The following ACP5 variants were observed in gnomAD, a reference collection of about 807,000 sequenced individuals.
The protein encoded by ACP5 is tartrate-resistant acid phosphatase type 5.
ACP5 carries 24 observed loss-of-function variants against 28.7 expected under a neutral mutation model. The observed-to-expected ratio is 0.84, with a 90% CI of 0.61 to 1.18. The LOEUF (loss-of-function observed/expected upper bound fraction) is 1.18. Ranked by LOEUF, ACP5 falls within the 50% of genes most tolerant of loss-of-function variation. The pLI is 0.00. For missense variants in ACP5, 354 were observed against 422.2 expected, an observed-to-expected ratio of 0.84 and a Z score of 1.42; for synonymous variants, 154 against 181.4, an observed-to-expected ratio of 0.85 and a Z score of 1.21.
At chr19:11,575,316 A>C in intron 4 of ACP5, 64 bp from the exon 5 acceptor site, 1 of 1,604,202 alleles carries the variant, frequency 6.2e-7, no homozygotes, top group Non-Finnish European at 8.5e-7. Context: ...CCTAAGGTCC[A>C]GGGCTCGATC....
rs769748906 is a variant in ACP5, at chr19:11,575,187, TG to T, written c.800del (p.Ser267Ter). 1.2e-6 allele frequency: 2 copies of T among 1,614,090 alleles called. No individual in the cohort carries two copies. The highest frequency in any genetic ancestry group is 1.7e-6 in the Non-Finnish European group (2 of 1,180,038). ...LSGAGNFMDP[S>X]KRHQRKVPNG... is the part of the protein sequence containing the mutation. Reference sequence around the variant, plus strand: ...TGGGGACCTTGCGCTGGTGCCGCTTTGAGGGGTCCATGAAATTCCCAGCCCC... The same window carrying T: ...TGGGGACCTTGCGCTGGTGCCGCTTTAGGGGTCCATGAAATTCCCAGCCCC... On this transcript the variant is annotated frameshift_variant, in exon 5 of 5. Transcript: ENST00000648477. LOFTEE classifies it high-confidence loss of function.
In ACP5 at chr19:11,575,030, G is replaced by C; in HGVS notation, c.958C>G (p.Pro320Ala). Reference protein sequence around the residue: ...SGKSLFKTRLPRRARP With the variant: ...SGKSLFKTRLARRARP ...GGAGTTCAGGGCCTGGCTCGCCTCG[G>C]CAGCCTGGTCTTAAAGAGGGACTTG... is the stretch of plus-strand genomic sequence containing the variant. Residue 320 changes from proline to alanine, a missense_variant, in exon 5 of 5, where the codon CCG becomes GCG. Pro to Ala is a conservative substitution (Grantham distance 27, BLOSUM62 -1). Transcript: ENST00000648477. 1 of 1,614,186 alleles carries C rather than the reference G, an allele frequency of 6.2e-7. No homozygotes were observed. The highest frequency in any genetic ancestry group is 8.5e-7 in the Non-Finnish European group (1 of 1,180,036).
chr19:11,576,229 C>T lies in ACP5; in HGVS notation c.735+14G>A, dbSNP rs1258980089. ...CCCCTCACCCAGCTCCCACCCCACC[C>T]ACAGGGCCCTCACCTGCAGATTGTG... On this transcript the variant is annotated intron_variant, in intron 4 of 4. Transcript: ENST00000648477. 1 of 1,601,642 alleles carries T rather than the reference C, an allele frequency of 6.2e-7. No homozygotes were observed.
intron 4 of ACP5, among the ~76,000 whole-genome samples, chr19:11,575,844 A>G (rs1266687153): frequency 6.6e-6 from 1 of 151,332 alleles, no homozygotes; most frequent in African/African-American, 2.4e-5. Context: ...AAAAAAAAAA[A>G]AAAGCAAAAA....
upstream of ACP5, chr19:11,577,706 GGAT>G (rs1299313515): frequency 6.0e-6 from 2 of 334,714 alleles, no homozygotes; most frequent in African/African-American, 4.2e-5. The surrounding 1 kb of genome is among the most constrained non-coding windows in gnomAD (Gnocchi z 5.7). Context: ...TCATTAGTGA[GGAT>G]GATGCAGTTT....
At chr19:11,575,308 T>A (rs967296903) in intron 4 of ACP5, 56 bp from the exon 5 acceptor site, 1 of 1,607,856 alleles carries the variant, frequency 6.2e-7, no homozygotes, top group Non-Finnish European at 8.5e-7. Context: ...GAGCCCTGCC[T>A]AAGGTCCAGG....
upstream of ACP5, chr19:11,578,174 C>T (rs1973245429): frequency 6.5e-6 from 1 of 152,686 alleles, no homozygotes; most frequent in Non-Finnish European, 1.5e-5. Context: ...TGTGTTCTCA[C>T]GTGGCACTGG....
upstream of ACP5, chr19:11,578,756 T>G: frequency 6.6e-6 from 1 of 152,298 alleles, no homozygotes; most frequent in African/African-American, 2.4e-5. Context: ...GTCCCCCCCA[T>G]TCCCAGCCCT....
At chr19:11,578,464 G>A (rs948742199), upstream of ACP5, 3 of 152,318 alleles carry the variant, frequency 2.0e-5, no homozygotes, top group Non-Finnish European at 4.4e-5. Flanking sequence ...TGGTGATAGC[G>A]CGCGTGACCA....
intron 4 of ACP5, among the ~76,000 whole-genome samples, chr19:11,575,803 G>A (rs1032929904): frequency 1.3e-5 from 2 of 149,782 alleles, no homozygotes; most frequent in African/African-American, 4.9e-5. Context: ...GTTGCAGTGA[G>A]TTGAGATCGT....
chr19:11,578,365 G>C (rs1973252684), upstream of ACP5, among the ~76,000 whole-genome samples: 1 of 152,122 alleles, frequency 6.6e-6, no homozygotes, highest in Non-Finnish European at 1.5e-5. Context: ...ACACCAACGG[G>C]CTTCCCTTTT....
In ACP5 at chr19:11,574,862, G is replaced by C; in HGVS notation, c.*148C>G. ...GCATCTGTGCCACAAGGGTCATGTG[G>C]CACCACAGTTCATCAGCTGTGTTTC... On this transcript the variant is annotated 3_prime_UTR_variant, in exon 5 of 5. Coordinates refer to ENST00000648477, the MANE Select transcript of ACP5 (RefSeq NM_001611.5). 1.2e-6 allele frequency: 1 copy of C among 864,092 alleles called. No individual in the cohort carries two copies. The highest frequency in any genetic ancestry group is 1.5e-5 in the South Asian group (1 of 67,792). The allele number at this position is 864,092 out of a possible 1,614,324, so 53.5% of individuals were successfully genotyped here.
rs1973069148 is a variant in ACP5 at position 11,574,946 on chromosome 19, T to G, written c.*64A>C. 3 of 1,602,298 alleles carry G rather than the reference T, an allele frequency of 1.9e-6. No individual in the cohort carries two copies. The highest frequency in any genetic ancestry group is 3.3e-5 in the Admixed American group (2 of 59,942). ...AGGAAAAGCCTGCCTGTGAGCAGGG[T>G]CCCGGCAGGGCCCACCCACCCAACA... On this transcript the variant is annotated 3_prime_UTR_variant, in exon 5 of 5. Coordinates refer to ENST00000648477, the MANE Select transcript of ACP5 (RefSeq NM_001611.5).
At chr19:11,575,659 A>G (rs975978595) in intron 4 of ACP5, 1 of 256,954 alleles carries the variant, frequency 3.9e-6, no homozygotes. Context: ...GAAGTTCGAG[A>G]TCAGCCTGGC....
Position 11,575,039 on chromosome 19 carries a change from T to C in ACP5, c.949A>G (p.Thr317Ala), listed in dbSNP as rs1599630500. ...GGCCTGGCTCGCCTCGGCAGCCTGG[T>C]CTTAAAGAGGGACTTGCCCGAGGCC... The part of the protein sequence containing the change: ...IEASGKSLFK[T>A]RLPRRARP Residue 317 changes from threonine to alanine, a missense_variant, in exon 5 of 5, where the codon ACC (threonine) becomes GCC (alanine). Transcript: ENST00000648477. 6 of 1,613,982 alleles carry C rather than the reference T, an allele frequency of 3.7e-6. No homozygotes were observed. The highest frequency in any genetic ancestry group is 1.3e-5 in the African/African-American group (1 of 74,914).
In ACP5 at chr19:11,577,062, A is replaced by G; in HGVS notation, c.256T>C (p.Phe86Leu). ...CCACTCTGTTGGGCACAGACCTGGA[A>G]CCTCTTGTCATTGATGTCTTGCACA... is the stretch of plus-strand genomic sequence containing the variant. ...TGVQDINDKR[F>L]QETFEDVFSD... The change falls in exon 2 of 5, where the codon TTC becomes CTC. Residue 86 changes from phenylalanine to leucine, a missense_variant. Phe to Leu is a conservative substitution (Grantham distance 22). Transcript: ENST00000648477. The surrounding 1 kb of genome is among the most constrained non-coding windows in gnomAD (Gnocchi z 5.7). The G allele has an allele frequency of 6.2e-7, 1 of 1,614,062 alleles. No individual in the cohort carries two copies. Among genetic ancestry groups the G allele is most frequent in the East Asian group, 2.2e-5 (1 of 44,860 alleles).
chr19:11,576,566 G>T lies in ACP5; in HGVS notation c.412C>A (p.Arg138Ser). The change falls in exon 4 of 5, where the codon CGC becomes AGC. Residue 138 changes from arginine (R) to serine (S), a missense_variant. Arg to Ser is a moderately radical substitution (Grantham distance 110). Coordinates refer to ENST00000648477, the MANE Select transcript of ACP5 (RefSeq NM_001611.5). ...GTCTGTGGGATCTTGAAGTGCAGGC[G>T]GTAGAAAGGGCTGGGGAAGTTCCTG... Reference protein sequence around the residue: ...KRWNFPSPFYRLHFKIPQTNV... With the variant: ...KRWNFPSPFYSLHFKIPQTNV... 1 of 1,613,706 alleles carries T rather than the reference G, an allele frequency of 6.2e-7. No homozygotes were observed. The highest frequency in any genetic ancestry group is 8.5e-7 in the Non-Finnish European group (1 of 1,179,714).
In ACP5 at chr19:11,577,539, A is replaced by G; in HGVS notation, c.-1+54T>C. 2 of 615,612 alleles carry G rather than the reference A, an allele frequency of 3.2e-6. No homozygotes were observed. The highest frequency in any genetic ancestry group is 3.7e-5 in the South Asian group (2 of 53,454). The allele number at this position is 615,612 out of a possible 1,614,324, so 38.1% of individuals were successfully genotyped here. ...CTGTGAGAGGGCGAGCTGTACCAAG[A>G]TGGCCCTGCAGGCCCATTTCACCCT... On this transcript the variant is annotated intron_variant, in intron 1 of 4. Transcript: ENST00000648477. This position sits in a 1 kb window ranked among gnomAD's most constrained non-coding sequence, Gnocchi z 5.7.
chr19:11,576,006 C>CAAAAAAAAAAAAAAAAAAAAA lies in ACP5; in HGVS notation c.735+236_735+237insTTTTTTTTTTTTTTTTTTTTT, dbSNP rs3035420. On this transcript the variant is annotated intron_variant, in intron 4 of 4. Transcript: ENST00000648477. ...GTGAAAAACAATGAAACCTTGTCTC[C>CAAAAAAAAAAAAAAAAAAAAA]AAAAAAAAAAAAAAAAAAGAGCTTA... Among the ~76,000 whole-genome samples the CAAAAAAAAAAAAAAAAAAAAA allele has an allele frequency of 2.5e-3, 132 of 52,684 alleles. 1 individual carries two copies. Among genetic ancestry groups the CAAAAAAAAAAAAAAAAAAAAA allele is most frequent in the South Asian group, 7.8e-3 (10 of 1,282 alleles). 34.6% of individuals were successfully genotyped at this position (52,684 alleles called of 152,430 possible).
Sources: gnomAD v4.1 joint callset for allele counts (sites outside exome capture counted in the v4.1 genomes callset) on GRCh38, gnomAD v4.1.1 for gene constraint, Gnocchi (gnomAD v3.1) non-coding constraint, MANE v1.5 for transcripts, NCBI Gene and HGNC (gene_info 2026-07-23, HGNC 2026-07-21) for gene names.